Variants in DCC observed in about 807,000 individuals in gnomAD.
The protein encoded by DCC is netrin receptor DCC.
In DCC, 58 loss-of-function variants were observed where a neutral mutation model predicts 172.5. The observed-to-expected ratio is 0.34, with a 90% confidence interval of 0.27 to 0.42. The LOEUF is 0.42. DCC is among the 10% of genes least tolerant of loss of function. The probability of loss-of-function intolerance (pLI) is 1.00; values close to 1 mark genes in which losing one functional copy is unlikely to be tolerated. For missense variants in DCC, 1,740 were observed against 1,791.0 expected (o/e 0.97, Z 0.51); for synonymous variants, 709 against 644.5 (o/e 1.10, Z -1.52).
At chr18:53,063,202 AT>A (rs912384069) in intron 5 of DCC, 102 bp from the exon 6 acceptor site, 22 of 1,053,090 alleles carry the variant, frequency 2.1e-5, no homozygotes, top group Non-Finnish European at 3.0e-6. Flanking sequence ...AATTATAAAT[AT>A]TTTCTATCCC....
chr18:52,888,746 G>C (rs1339930814), intron 2 of DCC, among the ~76,000 whole-genome samples: 1 of 151,838 alleles, frequency 6.6e-6, no homozygotes, highest in African/African-American at 2.4e-5. Flanking sequence ...TTCACCACTG[G>C]TTTTAATAGT....
intron 18 of DCC, among the ~76,000 whole-genome samples, chr18:53,399,173 A>C (rs1175785946): frequency 1.3e-5 from 2 of 152,178 alleles, no homozygotes; most frequent in Non-Finnish European, 2.9e-5. Flanking sequence ...CCTTGGAAAG[A>C]GACAGGCATC....
At chr18:53,499,134 C>T (rs946750109) in intron 26 of DCC, among the ~76,000 whole-genome samples, 164 bp from the exon 27 acceptor site, 4 of 152,136 alleles carry the variant, frequency 2.6e-5, no homozygotes, top group Admixed American at 6.6e-5. Flanking sequence ...TGTCATGTTC[C>T]GTAAGTATAT....
Position 52,697,266 on chromosome 18 carries a change from AC to A in DCC, c.92-54787del, listed in dbSNP as rs542283324. 1.6e-3 allele frequency among the ~76,000 whole-genome samples: 243 copies of A among 152,344 alleles called. 4 individuals are homozygous for A. Among genetic ancestry groups the A allele is most frequent in the African/African-American group, 5.6e-3 (234 of 41,578 alleles). On this transcript the variant is annotated intron_variant, in intron 1 of 28. Coordinates refer to ENST00000442544, the MANE Select transcript of DCC (RefSeq NM_005215.4). The stretch of plus-strand genomic sequence containing the variant: ...ACTAAAAGGCAACAAATACAAAGAC[AC>A]ACACACATACACACACATGCAATGT...
chr18:52,926,067 T>G (rs942447840), intron 5 of DCC, among the ~76,000 whole-genome samples: 8 of 151,950 alleles, frequency 5.3e-5, no homozygotes, highest in African/African-American at 1.9e-4. Flanking sequence ...GAAAGTGCCT[T>G]AACATTTGGA....
At chr18:53,240,239 C>T (rs976583057) in intron 12 of DCC, among the ~76,000 whole-genome samples, 3 of 151,916 alleles carry the variant, frequency 2.0e-5, no homozygotes, top group African/African-American at 4.8e-5. Flanking sequence ...TATAGACATG[C>T]TCATATTTAA....
At chr18:53,237,542 G>A (rs756821200) in intron 12 of DCC, among the ~76,000 whole-genome samples, 1 of 152,078 alleles carries the variant, frequency 6.6e-6, no homozygotes, top group Non-Finnish European at 1.5e-5. Flanking sequence ...CTGCTTTGTG[G>A]TTGACAGCTG....
At chr18:53,201,354 GTACT>G (rs1273033593) in intron 9 of DCC, among the ~76,000 whole-genome samples, 3 of 152,126 alleles carry the variant, frequency 2.0e-5, no homozygotes, top group Non-Finnish European at 1.5e-5. Context: ...CATTCAATGA[GTACT>G]TTACTTATCA....
chr18:53,375,825 G>A (rs2058104534), intron 15 of DCC, among the ~76,000 whole-genome samples: 4 of 152,104 alleles, frequency 2.6e-5, no homozygotes, highest in South Asian at 2.1e-4. Flanking sequence ...CCAAAGCACG[G>A]CTTACCAACT....
intron 1 of DCC, among the ~76,000 whole-genome samples, chr18:52,455,218 C>T (rs1002059467): frequency 6.6e-6 from 1 of 151,964 alleles, no homozygotes; most frequent in Non-Finnish European, 1.5e-5. Flanking sequence ...AATATGAGAA[C>T]CTTCATCATC....
Position 53,435,213 on chromosome 18 carries a change from A to G in DCC, c.3229+4A>G, listed in dbSNP as rs1396077506. 8.4e-6 allele frequency: 13 copies of G among 1,555,586 alleles called. No individual in the cohort carries two copies. The highest frequency in any genetic ancestry group is 1.1e-5 in the Non-Finnish European group (12 of 1,126,918). On this transcript the variant is annotated splice_donor_region_variant and intron_variant, in intron 22 of 28. Transcript: ENST00000442544. ...ATTGATAGAAGCACCCTAAATGGTA[A>G]GTATATAAATTAGGTAATATTGAAT...
chr18:52,413,139 G>T (rs749014001), intron 1 of DCC, among the ~76,000 whole-genome samples: 5 of 150,820 alleles, frequency 3.3e-5, no homozygotes, highest in Non-Finnish European at 7.4e-5. Flanking sequence ...TCATTGCTTT[G>T]GTTTCTCTGT....
In DCC at chr18:52,565,410, C is replaced by T. The variant is rs1048147774; in HGVS notation, c.92-186644C>T. 3.9e-5 allele frequency among the ~76,000 whole-genome samples: 6 copies of T among 152,134 alleles called. No homozygotes were observed. The East Asian group carries it at 9.7e-4, about 25-fold the overall frequency. On this transcript the variant is annotated intron_variant, in intron 1 of 28. Transcript: ENST00000442544. The stretch of plus-strand genomic sequence containing the variant: ...TTATTGTTCTAGATCCTTGAGGAAT[C>T]GCCACACTGTCTTCCACAATGGTTG...
chr18:53,011,362 C>A (rs1310299428), intron 5 of DCC, among the ~76,000 whole-genome samples: 2 of 151,454 alleles, frequency 1.3e-5, no homozygotes, highest in East Asian at 3.9e-4. Context: ...AAAAATATAA[C>A]CCCATATTTT....
chr18:53,418,746 T>A (rs1380124025), intron 21 of DCC, among the ~76,000 whole-genome samples: 1 of 152,206 alleles, frequency 6.6e-6, no homozygotes, highest in Non-Finnish European at 1.5e-5. Flanking sequence ...AGATCTGCCA[T>A]GAAGAACATA....
intron 1 of DCC, among the ~76,000 whole-genome samples, chr18:52,395,048 T>C (rs879293193): frequency 2.0e-5 from 3 of 152,028 alleles, no homozygotes; most frequent in Admixed American, 1.3e-4. Flanking sequence ...CAGTACCCTG[T>C]AACATCTATC....
At chr18:53,000,856 T>A (rs2143842230) in intron 5 of DCC, among the ~76,000 whole-genome samples, 1 of 152,074 alleles carries the variant, frequency 6.6e-6, no homozygotes, top group East Asian at 1.9e-4. Flanking sequence ...TTGAATGCAT[T>A]ATATTAAAAA....
At chr18:52,343,437 A>G (rs1206513108) in intron 1 of DCC, among the ~76,000 whole-genome samples, 2 of 152,232 alleles carry the variant, frequency 1.3e-5, no homozygotes, top group Admixed American at 1.3e-4. Flanking sequence ...CTTTCTAGGT[A>G]AAGTCTGAAG....
chr18:53,127,942 G>A (rs1342156187), intron 7 of DCC, among the ~76,000 whole-genome samples: 1 of 152,178 alleles, frequency 6.6e-6, no homozygotes, highest in Admixed American at 6.5e-5. Context: ...GTATCAAAAT[G>A]TCTCATAGCT....
Sources: allele counts gnomAD v4.1 joint callset (sites outside exome capture counted in the v4.1 genomes callset), GRCh38; gene constraint gnomAD v4.1.1; transcripts MANE v1.5; gene names NCBI Gene and HGNC (gene_info 2026-07-23, HGNC 2026-07-21).